The following RARS1 variants were observed in gnomAD, a reference collection of about 807,000 sequenced individuals.
RARS1 encodes arginyl-tRNA synthetase 1.
RARS1 carries 75 observed loss-of-function variants against 78.7 expected under a neutral mutation model. The observed-to-expected ratio is 0.95, with a 90% CI of 0.79 to 1.15. The LOEUF (loss-of-function observed/expected upper bound fraction) is 1.15. RARS1 is among the 50% of genes most tolerant of loss of function. RARS1 has a pLI of 0.00. For synonymous variants in RARS1, 273 were observed against 268.2 expected (o/e 1.02, Z -0.18); for missense variants, 787 against 787.5 (o/e 1.00, Z 0.01).
Position 168,502,340 on chromosome 5 carries a change from C to G in RARS1, c.1057+235C>G, listed in dbSNP as rs147382615. On this transcript the variant is annotated intron_variant, in intron 9 of 14. Coordinates refer to ENST00000231572, the MANE Select transcript of RARS1 (RefSeq NM_002887.4). ...CAGGACCTTCTTTCTGCCCTAAAAC[C>G]GCAATATCATTATAATAACAAATAT... Among the ~76,000 whole-genome samples, 3,251 of 146,606 alleles carry G rather than the reference C, an allele frequency of 0.022. 64 individuals carry two copies. The highest frequency in any genetic ancestry group is 0.035 in the Non-Finnish European group (2,344 of 67,054).
At chr5:168,496,109 G>A (rs974443955) in intron 6 of RARS1, among the ~76,000 whole-genome samples, 6 of 152,108 alleles carry the variant, frequency 3.9e-5, no homozygotes, top group African/African-American at 9.6e-5. Context: ...GGCCAGGCAC[G>A]GTGGCTCACG....
Position 168,494,020 on chromosome 5 carries a change from CCTT to C in RARS1, c.478+22_478+24del. The C allele has an allele frequency of 6.4e-7, 1 of 1,559,226 alleles. No homozygotes were observed. The highest frequency in any genetic ancestry group is 8.8e-7 in the Non-Finnish European group (1 of 1,134,484). ...TGGTCCTGGTATGACATAATGTTAT[CCTT>C]CTTAATAGTTGTATTGAACATGAGT... On this transcript the variant is annotated intron_variant, in intron 4 of 14. Transcript: ENST00000231572.
At chr5:168,503,946 A>C (rs931610701) in intron 9 of RARS1, among the ~76,000 whole-genome samples, 3 of 151,432 alleles carry the variant, frequency 2.0e-5, no homozygotes, top group African/African-American at 7.3e-5. Context: ...GTAGTTGGGC[A>C]TGGTGATGCA....
In RARS1 at chr5:168,494,614, T is replaced by C. The variant is rs1758145998; in HGVS notation, c.543T>C (p.Asn181=). 6.2e-7 allele frequency: 1 copy of C among 1,609,058 alleles called. No individual in the cohort carries two copies. Among genetic ancestry groups the C allele is most frequent in the East Asian group, 2.2e-5 (1 of 44,874 alleles). The change falls in exon 5 of 15, where the codon AAT becomes AAC. Residue 181 remains asparagine (N), a synonymous_variant. Transcript: ENST00000231572. ...AACAATTGACCAGTCTTCTAGTGAATGGAGTTCAACTACCTGCTCTGGGAG... is the reference window on the plus strand; with the variant it reads ...AACAATTGACCAGTCTTCTAGTGAACGGAGTTCAACTACCTGCTCTGGGAG... The part of the protein sequence containing the change: ...VSEQLTSLLV[N]GVQLPALGEN...
Position 168,518,071 on chromosome 5 carries a change from C to CTGTTTTTTTTTT in RARS1, c.1873+10_1873+11insGTTTTTTTTTTT. The stretch of plus-strand genomic sequence containing the variant: ...GAAAGATAGACAGACTGGTGAGTGT[C>CTGTTTTTTTTTT]TTTTTTTTTTTTTTTTTTTTTTTTA... On this transcript the variant is annotated intron_variant, in intron 14 of 14. Coordinates refer to ENST00000231572, the MANE Select transcript of RARS1 (RefSeq NM_002887.4). The CTGTTTTTTTTTT allele has an allele frequency of 2.7e-6, 2 of 747,560 alleles. No individual in the cohort carries two copies. Among genetic ancestry groups the CTGTTTTTTTTTT allele is most frequent in the Non-Finnish European group, 3.2e-6 (2 of 622,936 alleles). The allele number at this position is 747,560 out of a possible 1,614,324, so 46.3% of individuals were successfully genotyped here.
rs748361591 is a variant in RARS1, at chr5:168,518,052, T to TA, written c.1864dup (p.Arg622LysfsTer18). On this transcript the variant is annotated frameshift_variant, in exon 14 of 15. Transcript: ENST00000231572. LOFTEE classifies it high-confidence loss of function. ...ATAGCTGCTACTGTGTGGAGAAAGA[T>TA]AGACAGACTGGTGAGTGTCTTTTTT... 5.3e-6 allele frequency: 8 copies of TA among 1,516,294 alleles called. No individual in the cohort carries two copies. Among genetic ancestry groups the TA allele is most frequent in the Non-Finnish European group, 6.2e-6 (7 of 1,127,262 alleles). 93.9% of individuals were successfully genotyped at this position (1,516,294 alleles called of 1,614,324 possible).
chr5:168,519,141 T>A lies in RARS1; in HGVS notation c.1934T>A (p.Met645Lys). Residue 645 changes from methionine to lysine, a missense_variant, in exon 15 of 15, where the codon ATG (methionine) becomes AAG (lysine). By Grantham distance (95) the Met-to-Lys change is moderately conservative. Coordinates refer to ENST00000231572, the MANE Select transcript of RARS1 (RefSeq NM_002887.4). ...MLLCEAVAAV[M>K]AKGFDILGIK... is the part of the protein sequence containing the mutation. ...CTATGTGAAGCAGTAGCTGCTGTCA[T>A]GGCCAAGGGGTTTGATATCCTGGGA... is the stretch of plus-strand genomic sequence containing the variant. 6.2e-7 allele frequency: 1 copy of A among 1,614,134 alleles called. No homozygotes were observed. Among genetic ancestry groups the A allele is most frequent in the Non-Finnish European group, 8.5e-7 (1 of 1,179,982 alleles).
At chr5:168,506,254 A>G in intron 10 of RARS1, 55 bp downstream of exon 10, 3 of 1,377,890 alleles carry the variant, frequency 2.2e-6, no homozygotes, top group Non-Finnish European at 2.9e-6. Context: ...GTAAGACAGT[A>G]TGGTGAGGTT....
chr5:168,515,169 A>G (rs1172624961), intron 12 of RARS1, among the ~76,000 whole-genome samples: 3 of 152,148 alleles, frequency 2.0e-5, no homozygotes, highest in African/African-American at 4.8e-5. Context: ...TTTGTCATTA[A>G]TAAGTATTTT....
chr5:168,489,913 C>T (rs180735453), intron 2 of RARS1, among the ~76,000 whole-genome samples: 1 of 150,834 alleles, frequency 6.6e-6, no homozygotes. Flanking sequence ...CTCCCAGGTT[C>T]AAGCAATTCT....
At chr5:168,507,500 T>C (rs1758472355) in intron 11 of RARS1, among the ~76,000 whole-genome samples, 2 of 152,314 alleles carry the variant, frequency 1.3e-5, no homozygotes, top group South Asian at 4.1e-4. Context: ...GCATCTTAGA[T>C]TTGGTAACAA....
chr5:168,488,607 A>C lies in RARS1; in HGVS notation c.51A>C (p.Glu17Asp). 1 of 1,600,762 alleles carries C rather than the reference A, an allele frequency of 6.2e-7. No individual in the cohort carries two copies. Among genetic ancestry groups the C allele is most frequent in the Non-Finnish European group, 8.5e-7 (1 of 1,176,794 alleles). The change falls in exon 2 of 15, where the codon GAA (glutamate) becomes GAC (aspartate). Residue 17 changes from glutamate to aspartate, a missense_variant. Coordinates refer to ENST00000231572, the MANE Select transcript of RARS1 (RefSeq NM_002887.4). ...ECSARLLQQE[E>D]EIKSLTAEID... The stretch of plus-strand genomic sequence containing the variant: ...AAGTGCTTTTTTTCCCACAGGAAGA[A>C]GAGATTAAATCTCTGACTGCTGAAA...
At chr5:168,506,565 A>G (rs1758450742) in intron 10 of RARS1, among the ~76,000 whole-genome samples, 157 bp from the exon 11 acceptor site, 1 of 152,210 alleles carries the variant, frequency 6.6e-6, no homozygotes, top group Non-Finnish European at 1.5e-5. Context: ...TGTTTCTCAT[A>G]TATAGGGAAT....
intron 14 of RARS1, 89 bp from the exon 15 acceptor site, chr5:168,518,992 A>C: frequency 9.2e-7 from 1 of 1,088,624 alleles, no homozygotes; most frequent in South Asian, 1.5e-5. Context: ...ATGCACTTCT[A>C]ACTAAAATTT....
At chr5:168,497,602 C>T (rs1758225301) in intron 7 of RARS1, among the ~76,000 whole-genome samples, 2 of 152,034 alleles carry the variant, frequency 1.3e-5, no homozygotes, top group South Asian at 2.1e-4. Flanking sequence ...AGCATCTGCT[C>T]AGTTTCTGGG....
rs776597243 is a variant in RARS1 at position 168,495,429 on chromosome 5, G to A, written c.694G>A (p.Val232Met). ...CCTCTTTGAATTTGCAGGGTATGACGTGCTCAGGTATGTGCTCTTGCCTTG... is the reference window on the plus strand; with the variant it reads ...CCTCTTTGAATTTGCAGGGTATGACATGCTCAGGTATGTGCTCTTGCCTTG... Reference protein sequence around the residue: ...SRLFEFAGYDVLRLNHVGDWG... With the variant: ...SRLFEFAGYDMLRLNHVGDWG... Residue 232 changes from valine to methionine, a missense_variant, in exon 6 of 15, where the codon GTG (valine) becomes ATG (methionine). Val to Met is a conservative substitution (Grantham distance 21, BLOSUM62 1). Transcript: ENST00000231572. The A allele has an allele frequency of 3.8e-5, 62 of 1,613,266 alleles. No homozygotes were observed. Among genetic ancestry groups the A allele is most frequent in the South Asian group, 2.6e-4 (24 of 91,022 alleles).
At chr5:168,501,466 A>T (rs1468290429) in intron 8 of RARS1, among the ~76,000 whole-genome samples, 1 of 152,160 alleles carries the variant, frequency 6.6e-6, no homozygotes, top group Non-Finnish European at 1.5e-5. Context: ...TTCCTTATAT[A>T]AAAAAGTAAA....
chr5:168,502,450 A>T (rs1382883368), intron 9 of RARS1, among the ~76,000 whole-genome samples: 1 of 147,436 alleles, frequency 6.8e-6, no homozygotes, highest in Non-Finnish European at 1.5e-5. Flanking sequence ...GCCTCAAGTG[A>T]TCCTCCCACC....
chr5:168,516,593 T>A (rs1758670498), intron 12 of RARS1, among the ~76,000 whole-genome samples, 185 bp from the exon 13 acceptor site: 1 of 152,218 alleles, frequency 6.6e-6, no homozygotes, highest in South Asian at 2.1e-4. Context: ...CATAACGCAT[T>A]TTATATTTTC....
Sources: allele counts gnomAD v4.1 joint callset (sites outside exome capture counted in the v4.1 genomes callset), GRCh38; gene constraint gnomAD v4.1.1; transcripts MANE v1.5; gene names NCBI Gene and HGNC (gene_info 2026-07-23, HGNC 2026-07-21).